Variants in PGBD4 observed in about 807,000 individuals in gnomAD.
PGBD4 encodes piggyBac transposable element derived 4.
PGBD4 carries 1 observed loss-of-function variant against 0.3 expected under a neutral mutation model. The ratio of observed to expected loss-of-function variants is 3.72; its 90% CI spans 1.32 to 17.64. PGBD4 has a LOEUF of 17.64. PGBD4 is among the 30% of genes most tolerant of loss of function. The pLI, the probability that PGBD4 is intolerant of heterozygous loss-of-function variation, is 0.11. For missense variants in PGBD4, 624 were observed against 719.7 expected (o/e 0.87, Z 1.52); for synonymous variants, 253 against 267.7 (o/e 0.95, Z 0.54).
At position 34,103,294 on chromosome 15, in the gene PGBD4, CTGTTCAA is replaced by C. The variant is rs772714037; in HGVS notation, c.764_770del (p.Leu255ArgfsTer4). On this transcript the variant is annotated frameshift_variant, in exon 1 of 1. Coordinates refer to ENST00000397766, the MANE Select transcript of PGBD4 (RefSeq NM_152595.5). LOFTEE classifies it low-confidence loss of function (END_TRUNC). This position sits in a 1 kb window ranked among gnomAD's most constrained non-coding sequence, Gnocchi z 4.6. ...CATTGCAGTTGATGAATCACTGATG[CTGTTCAA>C]GGGGCCATTAGCTATGAAGCAGTAC... 3.1e-6 allele frequency: 5 copies of C among 1,614,048 alleles called. No individual in the cohort carries two copies. The South Asian group carries it at 4.4e-5, about 14-fold the overall frequency.
rs537919517 is a variant in PGBD4 at position 34,103,594 on chromosome 15, C to A, written c.1063C>A (p.Arg355Ser). ...TAGGACTGATGCAGTTGGGACAGCT[C>A]GTTTGAACAGAAAACAGATTCCAAA... ...QNRTDAVGTA[R>S]LNRKQIPNDL... is the part of the protein sequence containing the mutation. Residue 355 changes from arginine (R) to serine (S), a missense_variant, in exon 1 of 1, where the codon CGT (arginine) becomes AGT (serine). By Grantham distance (110) the Arg-to-Ser change is moderately radical. Transcript: ENST00000397766. The surrounding 1 kb of genome is among the most constrained non-coding windows in gnomAD (Gnocchi z 4.6). 5.0e-6 allele frequency: 8 copies of A among 1,614,014 alleles called. No individual in the cohort carries two copies. The South Asian group carries it at 7.7e-5, about 16-fold the overall frequency.
Position 34,103,843 on chromosome 15 carries a change from C to G in PGBD4, c.1312C>G (p.Leu438Val). 1 of 1,614,084 alleles carries G rather than the reference C, an allele frequency of 6.2e-7. No individual in the cohort carries two copies. The highest frequency in any genetic ancestry group is 8.5e-7 in the Non-Finnish European group (1 of 1,180,034). The change falls in exon 1 of 1, where the codon CTT (leucine) becomes GTT (valine). Residue 438 changes from leucine to valine, a missense_variant. By Grantham distance (32) the Leu-to-Val change is conservative. Coordinates refer to ENST00000397766, the MANE Select transcript of PGBD4 (RefSeq NM_152595.5). This position sits in a 1 kb window ranked among gnomAD's most constrained non-coding sequence, Gnocchi z 4.6. The stretch of plus-strand genomic sequence containing the variant: ...AGCAGTGGACTCGGCTGATCAAATG[C>G]TTACTTCTTATCCATCTGAGCGCAA... Reference protein sequence around the residue: ...MGAVDSADQMLTSYPSERKRH... With the variant: ...MGAVDSADQMVTSYPSERKRH...
In PGBD4 at chr15:34,106,242, C is replaced by G. The variant is rs941649607; in HGVS notation, c.*1953C>G. Reference sequence around the variant, plus strand: ...GGTCAGGAGTTTGAGACTAGCCTGGCCAACATGGTGAAACCCTGTCTCTAC... The same window carrying G: ...GGTCAGGAGTTTGAGACTAGCCTGGGCAACATGGTGAAACCCTGTCTCTAC... On this transcript the variant is annotated 3_prime_UTR_variant, in exon 1 of 1. Coordinates refer to ENST00000397766, the MANE Select transcript of PGBD4 (RefSeq NM_152595.5). 6.3e-6 allele frequency: 1 copy of G among 157,510 alleles called. No individual in the cohort carries two copies. The highest frequency in any genetic ancestry group is 1.5e-5 in the Non-Finnish European group (1 of 68,134). 9.8% of individuals were successfully genotyped at this position (157,510 alleles called of 1,614,324 possible). A position where few individuals can be genotyped will look rare whatever the true frequency, so the allele number is the denominator to read the frequency against.
In PGBD4 at chr15:34,102,718, A is replaced by G. The variant is rs1476561920; in HGVS notation, c.187A>G (p.Ser63Gly). Residue 63 changes from serine to glycine, a missense_variant, in exon 1 of 1, where the codon AGC (serine) becomes GGC (glycine). Transcript: ENST00000397766. This position sits in a 1 kb window ranked among gnomAD's most constrained non-coding sequence, Gnocchi z 4.7. Reference sequence around the variant, plus strand: ...GTCCCATTTAGAATCTGATGGAAAGAGCTCTACATCAAGTGACTCAGGGCG... The same window carrying G: ...GTCCCATTTAGAATCTGATGGAAAGGGCTCTACATCAAGTGACTCAGGGCG... ...PLSHLESDGK[S>G]STSSDSGRSM... 6.2e-7 allele frequency: 1 copy of G among 1,614,010 alleles called. No homozygotes were observed. The highest frequency in any genetic ancestry group is 1.3e-5 in the African/African-American group (1 of 74,888).
chr15:34,102,137 G>A lies in PGBD4; in HGVS notation c.-395G>A. On this transcript the variant is annotated 5_prime_UTR_variant, in exon 1 of 1. Transcript: ENST00000397766. This position sits in a 1 kb window ranked among gnomAD's most constrained non-coding sequence, Gnocchi z 4.7. The stretch of plus-strand genomic sequence containing the variant: ...AAGTCAAGTGTGTGTTGCTGCGGCA[G>A]CCACGGAGGCCAAGGACCTCACGGG... The A allele has an allele frequency of 4.1e-6, 2 of 484,480 alleles. No homozygotes were observed. Among genetic ancestry groups the A allele is most frequent in the Non-Finnish European group, 7.2e-6 (2 of 276,060 alleles). 30.0% of individuals were successfully genotyped at this position (484,480 alleles called of 1,614,324 possible).
At position 34,105,963 on chromosome 15, in the gene PGBD4, C is replaced by G. The variant is rs760661787; in HGVS notation, c.*1674C>G. 6.0e-6 allele frequency: 1 copy of G among 167,154 alleles called. No individual in the cohort carries two copies. The highest frequency in any genetic ancestry group is 1.5e-5 in the Non-Finnish European group (1 of 68,192). The allele number at this position is 167,154 out of a possible 1,614,324, so 10.4% of individuals were successfully genotyped here. ...CAGAAAACTTCTTCCCAAGGCCACA[C>G]CACACCTGCAAAATGCCTAACAACC... On this transcript the variant is annotated 3_prime_UTR_variant, in exon 1 of 1. Transcript: ENST00000397766.
Position 34,104,174 on chromosome 15 carries a change from A to G in PGBD4, c.1643A>G (p.Tyr548Cys), listed in dbSNP as rs1336304127. 7 of 1,614,070 alleles carry G rather than the reference A, an allele frequency of 4.3e-6. No individual in the cohort carries two copies. In the African/African-American group the frequency reaches 9.3e-5, roughly 22 times the overall value. Residue 548 changes from tyrosine (Y) to cysteine (C), a missense_variant, in exon 1 of 1, where the codon TAC becomes TGC. Physicochemically the swap from Tyr to Cys is radical, Grantham distance 194. Coordinates refer to ENST00000397766, the MANE Select transcript of PGBD4 (RefSeq NM_152595.5). ...CGCTGCAAAATTTGCTGCTCCCAAT[A>G]CGACAAGGATGGCAAGAAGATCCGG... is the stretch of plus-strand genomic sequence containing the variant. ...TGRCKICCSQYDKDGKKIRKE... is the reference protein window; with the variant it reads ...TGRCKICCSQCDKDGKKIRKE...
rs2082418535 is a variant in PGBD4 at position 34,105,987 on chromosome 15, C to T, written c.*1698C>T. The stretch of plus-strand genomic sequence containing the variant: ...ACCACACCTGCAAAATGCCTAACAA[C>T]CTTCTTCTTTTCAGTGATTACCACT... On this transcript the variant is annotated 3_prime_UTR_variant, in exon 1 of 1. Coordinates refer to ENST00000397766, the MANE Select transcript of PGBD4 (RefSeq NM_152595.5). 6.0e-6 allele frequency: 1 copy of T among 167,108 alleles called. No homozygotes were observed. Among genetic ancestry groups the T allele is most frequent in the African/African-American group, 2.4e-5 (1 of 41,420 alleles). The allele number at this position is 167,108 out of a possible 1,614,324, so 10.4% of individuals were successfully genotyped here. A position where few individuals can be genotyped will look rare whatever the true frequency, so the allele number is the denominator to read the frequency against.
rs567665206 is a variant in PGBD4 at position 34,105,636 on chromosome 15, G to A, written c.*1347G>A. The A allele has an allele frequency of 6.1e-6, 1 of 164,198 alleles. No homozygotes were observed. Among genetic ancestry groups the A allele is most frequent in the East Asian group, 2.0e-4 (1 of 5,056 alleles). 10.2% of individuals were successfully genotyped at this position (164,198 alleles called of 1,614,324 possible). ...TGAAGATAGTTACTTCTTCATATTT[G>A]ATCATCGGAAGGAGCAGCATTGCTC... On this transcript the variant is annotated 3_prime_UTR_variant, in exon 1 of 1. Coordinates refer to ENST00000397766, the MANE Select transcript of PGBD4 (RefSeq NM_152595.5).
In PGBD4 at chr15:34,103,293, G is replaced by A; in HGVS notation, c.762G>A (p.Met254Ile). 6.2e-7 allele frequency: 1 copy of A among 1,614,188 alleles called. No individual in the cohort carries two copies. Among genetic ancestry groups the A allele is most frequent in the South Asian group, 1.1e-5 (1 of 91,082 alleles). ...ACATTGCAGTTGATGAATCACTGAT[G>A]CTGTTCAAGGGGCCATTAGCTATGA... ...NRNIAVDESL[M>I]LFKGPLAMKQ... The change falls in exon 1 of 1, where the codon ATG becomes ATA. Residue 254 changes from methionine to isoleucine, a missense_variant. Met to Ile is a conservative substitution (Grantham distance 10). Coordinates refer to ENST00000397766, the MANE Select transcript of PGBD4 (RefSeq NM_152595.5). The surrounding 1 kb of genome is among the most constrained non-coding windows in gnomAD (Gnocchi z 4.6).
rs778056162 is a variant in PGBD4 at position 34,103,980 on chromosome 15, A to C, written c.1449A>C (p.Ile483=). The C allele has an allele frequency of 2.4e-5, 38 of 1,614,188 alleles. No homozygotes were observed. In the South Asian group the frequency reaches 4.2e-4, roughly 18 times the overall value. The change falls in exon 1 of 1, where the codon ATA becomes ATC. Residue 483 remains isoleucine, a synonymous_variant. Transcript: ENST00000397766. This position sits in a 1 kb window ranked among gnomAD's most constrained non-coding sequence, Gnocchi z 4.6. ...ATCCTGAGCACACGATGAGCCATATAAACTTCAGACTGGCATTGATTGAAA... is the reference window on the plus strand; with the variant it reads ...ATCCTGAGCACACGATGAGCCATATCAACTTCAGACTGGCATTGATTGAAA... ...KDNPEHTMSH[I]NFRLALIERM... is the part of the protein sequence containing the mutation.
chr15:34,104,489 G>A lies in PGBD4; in HGVS notation c.*200G>A. On this transcript the variant is annotated 3_prime_UTR_variant, in exon 1 of 1. Transcript: ENST00000397766. ...GTGGTGGCACATGCCTGTAATCCAA[G>A]CTACTTGGGAGGCTGAGGCAGGAGA... 1.6e-6 allele frequency: 1 copy of A among 622,918 alleles called. No homozygotes were observed. Among genetic ancestry groups the A allele is most frequent in the Non-Finnish European group, 2.7e-6 (1 of 372,572 alleles). The allele number at this position is 622,918 out of a possible 1,614,324, so 38.6% of individuals were successfully genotyped here.
chr15:34,104,393 A>G lies in PGBD4; in HGVS notation c.*104A>G. The G allele has an allele frequency of 4.0e-6, 5 of 1,262,880 alleles. No homozygotes were observed. Among genetic ancestry groups the G allele is most frequent in the Non-Finnish European group, 5.4e-6 (5 of 926,082 alleles). The allele number at this position is 1,262,880 out of a possible 1,614,324, so 78.2% of individuals were successfully genotyped here. ...CGACCTGGGTGGATCACCTGAGATC[A>G]GGAATTCAAGACCAGCCTGGCCAAC... On this transcript the variant is annotated 3_prime_UTR_variant, in exon 1 of 1. Transcript: ENST00000397766.
rs1454464294 is a variant in PGBD4, at chr15:34,102,460, T to C, written c.-72T>C. On this transcript the variant is annotated 5_prime_UTR_variant, in exon 1 of 1. Coordinates refer to ENST00000397766, the MANE Select transcript of PGBD4 (RefSeq NM_152595.5). The surrounding 1 kb of genome is among the most constrained non-coding windows in gnomAD (Gnocchi z 4.7). ...TTGACTTTTGAAACAAAAGACATCA[T>C]TCTGTTTATAGCATTCTGTTTTTAG... 2 of 1,441,258 alleles carry C rather than the reference T, an allele frequency of 1.4e-6. No homozygotes were observed. Among genetic ancestry groups the C allele is most frequent in the Non-Finnish European group, 1.8e-6 (2 of 1,101,486 alleles). The allele number at this position is 1,441,258 out of a possible 1,614,324, so 89.3% of individuals were successfully genotyped here.
rs545103120 is a variant in PGBD4 at position 34,106,950 on chromosome 15, C to T, written c.*2661C>T. On this transcript the variant is annotated 3_prime_UTR_variant, in exon 1 of 1. Coordinates refer to ENST00000397766, the MANE Select transcript of PGBD4 (RefSeq NM_152595.5). ...CCATCCTGGGCAACATAGCCAGACC[C>T]TGTCTCTAAAAAAAAAAAAAAAAAA... 1 of 89,652 alleles carries T rather than the reference C, an allele frequency of 1.1e-5. No homozygotes were observed. The highest frequency in any genetic ancestry group is 4.6e-5 in the African/African-American group (1 of 21,972). The allele number at this position is 89,652 out of a possible 1,614,324, so 5.6% of individuals were successfully genotyped here.
At position 34,107,907 on chromosome 15, in the gene PGBD4, C is replaced by G. The variant is rs1182943307; in HGVS notation, c.*3618C>G. On this transcript the variant is annotated 3_prime_UTR_variant, in exon 1 of 1. Coordinates refer to ENST00000397766, the MANE Select transcript of PGBD4 (RefSeq NM_152595.5). ...GAACTCCTAACCTCAGGTGATCCAC[C>G]TGCCTCGGCCTCCCAAAGTGCTGGA... 6.6e-6 allele frequency: 1 copy of G among 152,354 alleles called. No individual in the cohort carries two copies. Among genetic ancestry groups the G allele is most frequent in the Non-Finnish European group, 1.5e-5 (1 of 68,216 alleles). The allele number at this position is 152,354 out of a possible 1,614,324, so 9.4% of individuals were successfully genotyped here.
In PGBD4 at chr15:34,103,382, A is replaced by T. The variant is rs1901216605; in HGVS notation, c.851A>T (p.Gln284Leu). The change falls in exon 1 of 1, where the codon CAG (glutamine) becomes CTG (leucine). Residue 284 changes from glutamine (Q) to leucine (L), a missense_variant. Gln to Leu is a moderately radical substitution (Grantham distance 113, BLOSUM62 -2). Coordinates refer to ENST00000397766, the MANE Select transcript of PGBD4 (RefSeq NM_152595.5). This position sits in a 1 kb window ranked among gnomAD's most constrained non-coding sequence, Gnocchi z 4.6. ...GLKLYVLCES[Q>L]SGYVWNALVH... Reference sequence around the variant, plus strand: ...AAGCTATATGTACTTTGTGAAAGTCAGTCTGGTTATGTGTGGAATGCGCTT... The same window carrying T: ...AAGCTATATGTACTTTGTGAAAGTCTGTCTGGTTATGTGTGGAATGCGCTT... The T allele has an allele frequency of 1.2e-5, 19 of 1,614,230 alleles. No individual in the cohort carries two copies. Among genetic ancestry groups the T allele is most frequent in the Non-Finnish European group, 1.5e-5 (18 of 1,180,052 alleles).
In PGBD4 at chr15:34,102,630, G is replaced by A. The variant is rs1191427309; in HGVS notation, c.99G>A (p.Ser33=). 2.5e-6 allele frequency: 4 copies of A among 1,613,656 alleles called. No individual in the cohort carries two copies. Among genetic ancestry groups the A allele is most frequent in the Non-Finnish European group, 3.4e-6 (4 of 1,179,922 alleles). ...AEDSFDESDF[S]EIDDSDNFSD... ...ATTCATTTGATGAATCTGATTTTTC[G>A]GAAATAGATGATTCTGATAATTTTT... Residue 33 remains serine, a synonymous_variant, in exon 1 of 1, where the codon TCG becomes TCA. Transcript: ENST00000397766. The surrounding 1 kb of genome is among the most constrained non-coding windows in gnomAD (Gnocchi z 4.7).
At position 34,106,743 on chromosome 15, in the gene PGBD4, C is replaced by T. The variant is rs1887767599; in HGVS notation, c.*2454C>T. The T allele has an allele frequency of 6.6e-6, 1 of 151,950 alleles. No individual in the cohort carries two copies. Among genetic ancestry groups the T allele is most frequent in the African/African-American group, 2.4e-5 (1 of 41,364 alleles). 9.4% of individuals were successfully genotyped at this position (151,950 alleles called of 1,614,324 possible). On this transcript the variant is annotated 3_prime_UTR_variant, in exon 1 of 1. Coordinates refer to ENST00000397766, the MANE Select transcript of PGBD4 (RefSeq NM_152595.5). ...TGTTGCCATTTTCCTGAGTATTCTT[C>T]CACAGATAGTCAACTATCTACAGAA...
Sources: allele counts gnomAD v4.1 joint callset, GRCh38; gene constraint gnomAD v4.1.1; non-coding constraint Gnocchi (gnomAD v3.1); transcripts MANE v1.5; gene names NCBI Gene and HGNC (gene_info 2026-07-23, HGNC 2026-07-21).